CD83: variants seen among roughly 807,000 people sequenced by gnomAD.
CD83 encodes the protein CD83 antigen.
A neutral mutation model predicts 24.6 loss-of-function variants in CD83; 22 were observed. The ratio of observed to expected loss-of-function variants is 0.90; its 90% CI spans 0.64 to 1.28. The LOEUF (loss-of-function observed/expected upper bound fraction) is 1.28. CD83 is among the 50% of genes most tolerant of loss of function. The pLI is 0.00. For synonymous variants in CD83, 101 were observed against 103.5 expected (o/e 0.98, Z 0.14); for missense variants, 253 against 252.8 (o/e 1.00, Z -0.01).
chr6:14,124,335 G>A (rs924328301), intron 2 of CD83, among the ~76,000 whole-genome samples: 3 of 152,180 alleles, frequency 2.0e-5, no homozygotes, highest in African/African-American at 7.2e-5. Context: ...GATTAGAATC[G>A]GTATTACCGA....
At chr6:14,123,259 G>A (rs543264123) in intron 2 of CD83, among the ~76,000 whole-genome samples, 6 of 151,950 alleles carry the variant, frequency 3.9e-5, no homozygotes, top group South Asian at 4.2e-4. Context: ...CACCATGCCC[G>A]GCTACTTTTT....
At position 14,129,817 on chromosome 6, in the gene CD83, A is replaced by G. The variant is rs1759904722; in HGVS notation, c.154-1703A>G. ...TTGTGGTATATGCTCTGAATTAATA[A>G]ATGAAGCAGAAATGACTGTGTGTGT... On this transcript the variant is annotated intron_variant, in intron 2 of 4. Coordinates refer to ENST00000379153, the MANE Select transcript of CD83 (RefSeq NM_004233.4). This position sits in a 1 kb window ranked among gnomAD's most constrained non-coding sequence, Gnocchi z 4.3. Among the ~76,000 whole-genome samples, 1 of 149,096 alleles carries G rather than the reference A, an allele frequency of 6.7e-6. No individual in the cohort carries two copies. Among genetic ancestry groups the G allele is most frequent in the South Asian group, 2.1e-4 (1 of 4,748 alleles).
intron 3 of CD83, among the ~76,000 whole-genome samples, chr6:14,132,880 C>T (rs1401641240): frequency 6.6e-6 from 1 of 152,232 alleles, no homozygotes; most frequent in Non-Finnish European, 1.5e-5. Flanking sequence ...TGTTTGCAAG[C>T]ACACTATAGC....
chr6:14,118,449 G>C (rs1759595720), intron 2 of CD83, among the ~76,000 whole-genome samples: 1 of 152,310 alleles, frequency 6.6e-6, no homozygotes, highest in African/African-American at 2.4e-5. Context: ...TGGACAGGGG[G>C]AATGTCTCCA....
Position 14,120,339 on chromosome 6 carries a change from T to C in CD83, c.153+2274T>C, listed in dbSNP as rs1458486913. 3.3e-5 allele frequency among the ~76,000 whole-genome samples: 5 copies of C among 152,200 alleles called. No individual in the cohort carries two copies. In the South Asian group the frequency reaches 8.3e-4, roughly 25 times the overall value. ...ATTGATTATGCTTATACAACAAAAA[T>C]GGATAGAGTGTTCTGGAGACAAGGC... On this transcript the variant is annotated intron_variant, in intron 2 of 4. Coordinates refer to ENST00000379153, the MANE Select transcript of CD83 (RefSeq NM_004233.4).
chr6:14,122,561 A>G (rs899600751), intron 2 of CD83, among the ~76,000 whole-genome samples: 1 of 152,134 alleles, frequency 6.6e-6, no homozygotes, highest in African/African-American at 2.4e-5. Flanking sequence ...ATTTAAGAAC[A>G]TGTTTTAGGA....
intron 2 of CD83, among the ~76,000 whole-genome samples, chr6:14,125,744 C>T (rs1759794209): frequency 6.6e-6 from 1 of 152,148 alleles, no homozygotes; most frequent in African/African-American, 2.4e-5. Flanking sequence ...TCCAACATTG[C>T]CTTCAAATCT....
chr6:14,125,200 C>T (rs569209898), intron 2 of CD83, among the ~76,000 whole-genome samples: 2 of 152,310 alleles, frequency 1.3e-5, no homozygotes, highest in Admixed American at 1.3e-4. Context: ...TTCAGCCACC[C>T]AGTTTGTGGT....
chr6:14,126,387 C>T (rs909100849), intron 2 of CD83, among the ~76,000 whole-genome samples: 5 of 152,258 alleles, frequency 3.3e-5, no homozygotes, highest in African/African-American at 7.2e-5. Context: ...CACGCCAGCT[C>T]AGTGAGATGT....
upstream of CD83, chr6:14,117,767 G>C: frequency 4.4e-6 from 6 of 1,355,282 alleles, no homozygotes; most frequent in Non-Finnish European, 5.7e-6. This position sits in a 1 kb window ranked among gnomAD's most constrained non-coding sequence, Gnocchi z 4.6. Context: ...CGGCGCCCGC[G>C]CGCCACAGCT....
chr6:14,118,819 C>T (rs1237137872), intron 2 of CD83, among the ~76,000 whole-genome samples: 2 of 152,216 alleles, frequency 1.3e-5, no homozygotes, highest in African/African-American at 4.8e-5. Context: ...ATTCCAAAGC[C>T]AAGCAGCTAC....
At chr6:14,131,276 T>C (rs1024467698) in intron 2 of CD83, among the ~76,000 whole-genome samples, 1 of 152,108 alleles carries the variant, frequency 6.6e-6, no homozygotes, top group Non-Finnish European at 1.5e-5. Flanking sequence ...CTCCCTAATA[T>C]AGGGTGGAAA....
chr6:14,133,761 T>A lies in CD83; in HGVS notation c.489+6T>A. The A allele has an allele frequency of 6.4e-7, 1 of 1,569,122 alleles. No homozygotes were observed. The highest frequency in any genetic ancestry group is 8.7e-7 in the Non-Finnish European group (1 of 1,143,914). ...CACTCATCATTTTCACTTGTGTAAGTATCTTCTTAAAACATCTTCTCTTAT... is the reference window on the plus strand; with the variant it reads ...CACTCATCATTTTCACTTGTGTAAGAATCTTCTTAAAACATCTTCTCTTAT... On this transcript the variant is annotated splice_donor_region_variant and intron_variant, in intron 4 of 4. Coordinates refer to ENST00000379153, the MANE Select transcript of CD83 (RefSeq NM_004233.4).
chr6:14,133,343 G>T (rs554407610), intron 3 of CD83, among the ~76,000 whole-genome samples: 1 of 152,344 alleles, frequency 6.6e-6, no homozygotes, highest in East Asian at 1.9e-4. Flanking sequence ...TGGCTCAGCC[G>T]CCTTGGTCCT....
chr6:14,130,216 T>C (rs1198808385), intron 2 of CD83, among the ~76,000 whole-genome samples: 1 of 152,236 alleles, frequency 6.6e-6, no homozygotes, highest in Non-Finnish European at 1.5e-5. Context: ...GTTGAAGGGC[T>C]GCCCAGGAAG....
At position 14,135,326 on chromosome 6, in the gene CD83, T is replaced by C; in HGVS notation, c.*90T>C. On this transcript the variant is annotated 3_prime_UTR_variant, in exon 5 of 5. Coordinates refer to ENST00000379153, the MANE Select transcript of CD83 (RefSeq NM_004233.4). ...GGAGGAGAGAAGAATGAGCCTACGC[T>C]GAAGATGGCATCCTGTGAAGTCCTT... is the stretch of plus-strand genomic sequence containing the variant. The C allele has an allele frequency of 2.9e-6, 4 of 1,387,212 alleles. No homozygotes were observed. Among genetic ancestry groups the C allele is most frequent in the Non-Finnish European group, 4.0e-6 (4 of 1,011,434 alleles). The allele number at this position is 1,387,212 out of a possible 1,614,324, so 85.9% of individuals were successfully genotyped here.
At chr6:14,130,449 G>A (rs1243043467) in intron 2 of CD83, among the ~76,000 whole-genome samples, 3 of 152,214 alleles carry the variant, frequency 2.0e-5, no homozygotes, top group East Asian at 1.9e-4. Flanking sequence ...AGCAAGCCGC[G>A]CACGGTGGCT....
In CD83 at chr6:14,135,047, G is replaced by A. The variant is rs999401858; in HGVS notation, c.490-61G>A. Reference sequence around the variant, plus strand: ...GCTCTTAGTGAATAGAGTTTAAAAGGAGGTGACAACTGCTGAATTTTTCCA... The same window carrying A: ...GCTCTTAGTGAATAGAGTTTAAAAGAAGGTGACAACTGCTGAATTTTTCCA... On this transcript the variant is annotated intron_variant, in intron 4 of 4. Transcript: ENST00000379153. 8 of 1,561,200 alleles carry A rather than the reference G, an allele frequency of 5.1e-6. No individual in the cohort carries two copies. In the African/African-American group the frequency reaches 9.5e-5, roughly 19 times the overall value.
At chr6:14,123,751 G>GGA (rs1759725926) in intron 2 of CD83, among the ~76,000 whole-genome samples, 1 of 103,416 alleles carries the variant, frequency 9.7e-6, no homozygotes, top group South Asian at 3.6e-4. Flanking sequence ...GAGTTAAATT[G>GGA]AAAAAAAAAA....
Sources: allele counts gnomAD v4.1 joint callset (sites outside exome capture counted in the v4.1 genomes callset), GRCh38; gene constraint gnomAD v4.1.1; non-coding constraint Gnocchi (gnomAD v3.1); transcripts MANE v1.5; gene names NCBI Gene and HGNC (gene_info 2026-07-23, HGNC 2026-07-21).